Variants in GALNTL6 observed in about 807,000 individuals in gnomAD.
GALNTL6 encodes the protein polypeptide N-acetylgalactosaminyltransferase-like 6.
In GALNTL6, 46 loss-of-function variants were observed where a neutral mutation model predicts 73.7. The observed-to-expected ratio is 0.62, with a 90% confidence interval of 0.49 to 0.80. The LOEUF (loss-of-function observed/expected upper bound fraction) is 0.80. Among genes scored for constraint, GALNTL6 ranks in the 30% least tolerant of loss-of-function variants. The probability of loss-of-function intolerance (pLI) is 0.00; values close to 1 mark genes in which losing one functional copy is unlikely to be tolerated. For missense variants in GALNTL6, 604 were observed against 755.0 expected (o/e 0.80, Z 2.34); for synonymous variants, 259 against 263.7 (o/e 0.98, Z 0.17).
Position 172,069,584 on chromosome 4 carries a change from T to A in GALNTL6, c.139-160072T>A, listed in dbSNP as rs4993993. ...TATATAACACATATATGTTATATAT[T>A]ATATATATAACACATATATGTTATA... On this transcript the variant is annotated intron_variant, in intron 2 of 12. Coordinates refer to ENST00000506823, the MANE Select transcript of GALNTL6 (RefSeq NM_001034845.3). Among the ~76,000 whole-genome samples the A allele has an allele frequency of 2.6e-3, 36 of 13,776 alleles. 12 individuals are homozygous for A. In the South Asian group the frequency reaches 0.1, roughly 38 times the overall value. The allele number at this position is 13,776 out of a possible 152,430, so 9.0% of individuals were successfully genotyped here.
intron 5 of GALNTL6, among the ~76,000 whole-genome samples, chr4:172,621,845 TG>T (rs1215357292): frequency 6.6e-6 from 1 of 152,200 alleles, no homozygotes; most frequent in African/African-American, 2.4e-5. Context: ...TTGTAGCTAA[TG>T]TTTTTTTCTT....
In GALNTL6 at chr4:172,216,299, C is replaced by A. The variant is rs369115768; in HGVS notation, c.139-13357C>A. ...TCTTCACTTCTGAAAAATAATTTCA[C>A]TGAGTATAGAATTCTATTAACAGTG... is the stretch of plus-strand genomic sequence containing the variant. On this transcript the variant is annotated intron_variant, in intron 2 of 12. Transcript: ENST00000506823. Among the ~76,000 whole-genome samples, 18 of 151,850 alleles carry A rather than the reference C, an allele frequency of 1.2e-4. No homozygotes were observed. The East Asian group carries it at 3.3e-3, about 28-fold the overall frequency.
chr4:172,163,925 A>G (rs1734546798), intron 2 of GALNTL6, among the ~76,000 whole-genome samples: 1 of 152,056 alleles, frequency 6.6e-6, no homozygotes. Context: ...TTCAGTTACA[A>G]AAATCACATA....
intron 2 of GALNTL6, among the ~76,000 whole-genome samples, chr4:172,005,659 A>C (rs571258574): frequency 1.8e-4 from 28 of 152,106 alleles, no homozygotes; most frequent in Non-Finnish European, 4.0e-4. Flanking sequence ...AATATCTTAA[A>C]ATTCTAAAAT....
chr4:172,826,708 A>G (rs938478934), intron 7 of GALNTL6, among the ~76,000 whole-genome samples: 3 of 152,178 alleles, frequency 2.0e-5, no homozygotes, highest in Non-Finnish European at 4.4e-5. Flanking sequence ...CATCCAAAGA[A>G]GACCAGAGCA....
intron 11 of GALNTL6, among the ~76,000 whole-genome samples, chr4:173,013,800 C>T (rs1294860845): frequency 1.3e-5 from 2 of 152,040 alleles, no homozygotes; most frequent in Non-Finnish European, 1.5e-5. Context: ...GAAATATTGC[C>T]ATATATTGAC....
intron 2 of GALNTL6, among the ~76,000 whole-genome samples, chr4:171,916,754 GA>G (rs1737644018): frequency 6.6e-6 from 1 of 151,794 alleles, no homozygotes; most frequent in South Asian, 2.1e-4. Flanking sequence ...AAAATGCAGG[GA>G]ATTATAATAT....
intron 7 of GALNTL6, among the ~76,000 whole-genome samples, chr4:172,816,454 A>G (rs1442836077): frequency 5.3e-5 from 8 of 152,198 alleles, no homozygotes; most frequent in Admixed American, 5.2e-4. Context: ...ATTGAATTCA[A>G]TTGAAAATTT....
chr4:172,201,607 T>TC (rs1735958816), intron 2 of GALNTL6, among the ~76,000 whole-genome samples: 1 of 152,108 alleles, frequency 6.6e-6, no homozygotes, highest in South Asian at 2.1e-4. Flanking sequence ...GAAACACAGA[T>TC]AAACTGTTTA....
intron 4 of GALNTL6, among the ~76,000 whole-genome samples, chr4:172,314,218 T>G (rs577854981): frequency 6.6e-6 from 1 of 152,350 alleles, no homozygotes; most frequent in East Asian, 1.9e-4. Context: ...TAGAATAGAA[T>G]GCAAACTTTG....
chr4:172,108,651 TG>T (rs1732757112), intron 2 of GALNTL6, among the ~76,000 whole-genome samples: 1 of 152,250 alleles, frequency 6.6e-6, no homozygotes, highest in Middle Eastern at 3.4e-3. Flanking sequence ...GGGTACCTTG[TG>T]GTTCGATCAA....
intron 2 of GALNTL6, among the ~76,000 whole-genome samples, chr4:171,949,993 T>A (rs781237772): frequency 6.6e-6 from 1 of 152,274 alleles, no homozygotes; most frequent in East Asian, 1.9e-4. Context: ...AAAAATTAAA[T>A]GCCATCCAGT....
chr4:172,727,372 C>T lies in GALNTL6; in HGVS notation c.554-81989C>T, dbSNP rs190321557. 2.7e-3 allele frequency among the ~76,000 whole-genome samples: 405 copies of T among 152,312 alleles called. 1 individual carries two copies. Among genetic ancestry groups the T allele is most frequent in the African/African-American group, 9.1e-3 (378 of 41,578 alleles). ...AATCTAAAGGAAGGATAATTACTCACAAACTATAAACGAATTCAGTAAATA... is the reference window on the plus strand; with the variant it reads ...AATCTAAAGGAAGGATAATTACTCATAAACTATAAACGAATTCAGTAAATA... On this transcript the variant is annotated intron_variant, in intron 5 of 12. Transcript: ENST00000506823.
At chr4:172,991,503 G>A (rs551443407) in intron 10 of GALNTL6, among the ~76,000 whole-genome samples, 2 of 151,926 alleles carry the variant, frequency 1.3e-5, no homozygotes, top group African/African-American at 2.4e-5. Context: ...AGGTTCAAGC[G>A]ATTCTCCTAA....
At chr4:172,034,813 C>T (rs1741886277) in intron 2 of GALNTL6, among the ~76,000 whole-genome samples, 1 of 152,020 alleles carries the variant, frequency 6.6e-6, no homozygotes, top group Non-Finnish European at 1.5e-5. Flanking sequence ...CCTTAGGTAT[C>T]TTTTGGTGCA....
intron 3 of GALNTL6, among the ~76,000 whole-genome samples, chr4:172,272,612 G>A (rs1424241985): frequency 1.3e-5 from 2 of 152,114 alleles, no homozygotes; most frequent in African/African-American, 4.8e-5. Context: ...GTCCAAAATG[G>A]TTTGTGGTGT....
Position 172,049,336 on chromosome 4 carries a change from AC to A in GALNTL6, c.139-180319del, listed in dbSNP as rs1355035869. Among the ~76,000 whole-genome samples, 3 of 152,314 alleles carry A rather than the reference AC, an allele frequency of 2.0e-5. No individual in the cohort carries two copies. In the East Asian group the frequency reaches 5.8e-4, roughly 29 times the overall value. On this transcript the variant is annotated intron_variant, in intron 2 of 12. Transcript: ENST00000506823. Reference sequence around the variant, plus strand: ...CACTTGCATGGAGGGAGATTAGTGAACAAAAAGAAACAGTAGAGAGCTTTTG... The same window carrying A: ...CACTTGCATGGAGGGAGATTAGTGAAAAAAAGAAACAGTAGAGAGCTTTTG...
At chr4:172,390,716 A>T (rs561009970) in intron 5 of GALNTL6, among the ~76,000 whole-genome samples, 2 of 152,378 alleles carry the variant, frequency 1.3e-5, no homozygotes, top group East Asian at 3.9e-4. Flanking sequence ...TTTCCAGAAA[A>T]TAATAAATAT....
chr4:172,445,918 A>G (rs1473531408), intron 5 of GALNTL6, among the ~76,000 whole-genome samples: 2 of 152,142 alleles, frequency 1.3e-5, no homozygotes, highest in African/African-American at 4.8e-5. Flanking sequence ...CCTTCATTAA[A>G]CCAGCAGACA....
Sources: gnomAD v4.1 joint callset for allele counts (sites outside exome capture counted in the v4.1 genomes callset) on GRCh38, gnomAD v4.1.1 for gene constraint, MANE v1.5 for transcripts, NCBI Gene and HGNC (gene_info 2026-07-23, HGNC 2026-07-21) for gene names.